Variants in HMCN2 observed in about 807,000 individuals in gnomAD.
HMCN2 encodes hemicentin 2, also known as hemicentin-2.
A neutral mutation model predicts 377.5 loss-of-function variants in HMCN2; 325 were observed. That is an observed-to-expected ratio of 0.86 (90% CI 0.79 to 0.94). The LOEUF (loss-of-function observed/expected upper bound fraction) is 0.94, where lower values mean the gene tolerates loss of function less well. HMCN2 is among the 40% of genes least tolerant of loss of function. The probability of loss-of-function intolerance (pLI) is 0.00; values close to 1 mark genes in which losing one functional copy is unlikely to be tolerated. For missense variants in HMCN2, 4,543 were observed against 4,725.3 expected, an observed-to-expected ratio of 0.96 and a Z score of 1.13; for synonymous variants, 2,007 against 2,046.8, an observed-to-expected ratio of 0.98 and a Z score of 0.53.
chr9:130,368,513 C>A, intron 44 of HMCN2, 76 bp downstream of exon 44: 2 of 835,034 alleles, frequency 2.4e-6, no homozygotes, highest in Non-Finnish European at 2.9e-6. Flanking sequence ...GAAATTGGAG[C>A]AAATACGGGG....
intron 22 of HMCN2, among the ~76,000 whole-genome samples, chr9:130,333,026 G>A (rs1025862844): frequency 6.6e-6 from 1 of 152,206 alleles, no homozygotes; most frequent in African/African-American, 2.4e-5. Flanking sequence ...GGAAGGTCTG[G>A]GGGGAGGGAG....
chr9:130,305,071 C>A, intron 11 of HMCN2, 69 bp downstream of exon 11: 1 of 431,248 alleles, frequency 2.3e-6, no homozygotes, highest in East Asian at 7.2e-5. Context: ...CCAGAAGCCG[C>A]GAGTCCTTCC....
At chr9:130,323,172 G>A (rs1200939554) in intron 19 of HMCN2, among the ~76,000 whole-genome samples, 1 of 152,168 alleles carries the variant, frequency 6.6e-6, no homozygotes, top group Non-Finnish European at 1.5e-5. Context: ...ACATGAACAG[G>A]CTCAGTCTCT....
In HMCN2 at chr9:130,360,446, G is replaced by T. The variant is rs539953233; in HGVS notation, c.5792G>T (p.Gly1931Val). 7.1e-4 allele frequency: 922 copies of T among 1,300,106 alleles called. 10 individuals carry two copies. The South Asian group carries it at 0.011, about 15-fold the overall frequency. The allele number at this position is 1,300,106 out of a possible 1,614,324, so 80.5% of individuals were successfully genotyped here. Reference sequence around the variant, plus strand: ...TCCCCAGATGTCTCCTGGTTCAAGGGCCACCAACCTGTCTCTTCATGGATG... The same window carrying T: ...TCCCCAGATGTCTCCTGGTTCAAGGTCCACCAACCTGTCTCTTCATGGATG... ...VPPPDVSWFK[G>V]HQPVSSWMGV... Residue 1931 changes from glycine to valine, a missense_variant, in exon 38 of 98, where the codon GGC (glycine) becomes GTC (valine). Gly to Val is a moderately radical substitution (Grantham distance 109). Transcript: ENST00000683500. This position sits in a 1 kb window ranked among gnomAD's most constrained non-coding sequence, Gnocchi z 4.7.
At chr9:130,322,347 TA>T (rs1837903203) in intron 19 of HMCN2, among the ~76,000 whole-genome samples, 1 of 48,818 alleles carries the variant, frequency 2.0e-5, no homozygotes, top group Non-Finnish European at 6.4e-5. Flanking sequence ...TCTATCCATC[TA>T]TCTATCTATC....
chr9:130,389,493 A>C (rs868508710), intron 62 of HMCN2, among the ~76,000 whole-genome samples: 3 of 151,522 alleles, frequency 2.0e-5, no homozygotes, highest in African/African-American at 7.3e-5. Flanking sequence ...GGCATCATAG[A>C]GTGTGTGGCC....
At chr9:130,364,990 C>A in intron 41 of HMCN2, 101 bp downstream of exon 41, 1 of 710,402 alleles carries the variant, frequency 1.4e-6, no homozygotes, top group Non-Finnish European at 1.7e-6. Context: ...GCCCCTTTCC[C>A]CTCAGGGGAT....
chr9:130,385,801 C>A (rs748424662), intron 60 of HMCN2, 39 bp downstream of exon 60: 103 of 1,273,542 alleles, frequency 8.1e-5, no homozygotes, highest in Non-Finnish European at 1.0e-4. Context: ...ATGAGCGCTG[C>A]AGGAAAGTCG....
At position 130,400,964 on chromosome 9, in the gene HMCN2, CACAG is replaced by C. The variant is rs1409300688; in HGVS notation, c.11770+19_11770+22del. 3.9e-6 allele frequency: 5 copies of C among 1,279,054 alleles called. No individual in the cohort carries two copies. Among genetic ancestry groups the C allele is most frequent in the East Asian group, 1.1e-4 (2 of 17,716 alleles). The allele number at this position is 1,279,054 out of a possible 1,614,324, so 79.2% of individuals were successfully genotyped here. A position where few individuals can be genotyped will look rare whatever the true frequency, so the allele number is the denominator to read the frequency against. On this transcript the variant is annotated intron_variant, in intron 77 of 97. Coordinates refer to ENST00000683500, the MANE Select transcript of HMCN2 (RefSeq NM_001291815.2). The stretch of plus-strand genomic sequence containing the variant: ...CACCATCGGGTAAGTAAGGGTAAGC[CACAG>C]AGAGAGGCAGCTGAGGGGAGACTGG...
intron 22 of HMCN2, among the ~76,000 whole-genome samples, chr9:130,334,369 G>T (rs1331803177): frequency 2.6e-5 from 4 of 151,986 alleles, no homozygotes; most frequent in Non-Finnish European, 4.4e-5. Context: ...GCAGACACAG[G>T]CTCTGCTGGG....
intron 66 of HMCN2, among the ~76,000 whole-genome samples, 190 bp downstream of exon 66, chr9:130,392,308 G>C (rs7026002): frequency 0.25 from 37,358 of 152,122 alleles, 7,648 homozygotes; most frequent in African/African-American, 0.57. Context: ...GGGAGGTGGT[G>C]GGGGTAGGAG....
Position 130,362,211 on chromosome 9 carries a change from G to A in HMCN2, c.6108+46G>A, listed in dbSNP as rs112292190. ...CCGGCTCAACCTCCCTGCACCTCCC[G>A]TAGATGCTGGGAACAGAGGTCAGGC... is the stretch of plus-strand genomic sequence containing the variant. On this transcript the variant is annotated intron_variant, in intron 39 of 97. Transcript: ENST00000683500. 4,791 of 982,178 alleles carry A rather than the reference G, an allele frequency of 4.9e-3. 176 individuals carry two copies. The African/African-American group carries it at 0.076, about 16-fold the overall frequency. 60.8% of individuals were successfully genotyped at this position (982,178 alleles called of 1,614,324 possible). A position where few individuals can be genotyped will look rare whatever the true frequency, so the allele number is the denominator to read the frequency against.
chr9:130,425,972 T>A, intron 90 of HMCN2, 48 bp downstream of exon 90: 2 of 1,400,128 alleles, frequency 1.4e-6, no homozygotes, highest in Non-Finnish European at 2.0e-6. Context: ...AGCTAAAACC[T>A]GCCAGGGGGC....
In HMCN2 at chr9:130,433,548, G is replaced by A. The variant is rs1406005422; in HGVS notation, c.15095G>A (p.Arg5032His). Residue 5032 changes from arginine (R) to histidine (H), a missense_variant, in exon 98 of 98, where the codon CGT (arginine) becomes CAT (histidine). Transcript: ENST00000683500. ...GACCCCCGCAGCCCCTTCGCGCTGC[G>A]TCCGCTGCGCGCGGGCCTTGGCGCG... is the stretch of plus-strand genomic sequence containing the variant. Reference protein sequence around the residue: ...EPDPRSPFALRPLRAGLGAVY... With the variant: ...EPDPRSPFALHPLRAGLGAVY... 6 of 1,469,188 alleles carry A rather than the reference G, an allele frequency of 4.1e-6. No homozygotes were observed. 91.0% of individuals were successfully genotyped at this position (1,469,188 alleles called of 1,614,324 possible). A position where few individuals can be genotyped will look rare whatever the true frequency, so the allele number is the denominator to read the frequency against.
At chr9:130,420,670 C>T (rs920217305) in intron 86 of HMCN2, among the ~76,000 whole-genome samples, 3 of 152,096 alleles carry the variant, frequency 2.0e-5, no homozygotes, top group African/African-American at 7.2e-5. Flanking sequence ...TGTGGCTTGT[C>T]GAAACATCAC....
At position 130,345,701 on chromosome 9, in the gene HMCN2, G is replaced by T. The variant is rs988510277; in HGVS notation, c.3830-1465G>T. Among the ~76,000 whole-genome samples the T allele has an allele frequency of 2.0e-4, 30 of 151,910 alleles. No individual in the cohort carries two copies. The South Asian group carries it at 5.8e-3, about 29-fold the overall frequency. ...GCAGCCCCTGGCGGTGGGACATTCTGGCCTGCATTCTGGGCAGAGGATTCC... is the reference window on the plus strand; with the variant it reads ...GCAGCCCCTGGCGGTGGGACATTCTTGCCTGCATTCTGGGCAGAGGATTCC... On this transcript the variant is annotated intron_variant, in intron 25 of 97. Transcript: ENST00000683500.
chr9:130,407,962 A>C (rs1302263339), intron 83 of HMCN2, among the ~76,000 whole-genome samples: 1 of 152,214 alleles, frequency 6.6e-6, no homozygotes, highest in African/African-American at 2.4e-5. Context: ...CTGCAGGTAG[A>C]ATTGGAATCT....
At chr9:130,270,287 GT>G in intron 1 of HMCN2, among the ~76,000 whole-genome samples, 1 of 75,898 alleles carries the variant, frequency 1.3e-5, no homozygotes, top group Middle Eastern at 7.8e-3. Flanking sequence ...TTGTTTGTTT[GT>G]TTGTTTGTTT....
At chr9:130,270,633 A>G (rs1345416547) in intron 1 of HMCN2, among the ~76,000 whole-genome samples, 1 of 149,070 alleles carries the variant, frequency 6.7e-6, no homozygotes, top group Non-Finnish European at 1.5e-5. Context: ...TTGGGTTAAT[A>G]ATTATGTATC....
Sources: allele counts gnomAD v4.1 joint callset (sites outside exome capture counted in the v4.1 genomes callset), GRCh38; gene constraint gnomAD v4.1.1; non-coding constraint Gnocchi (gnomAD v3.1); transcripts MANE v1.5; gene names NCBI Gene and HGNC (gene_info 2026-07-23, HGNC 2026-07-21).